The following KPNA5 variants were observed in gnomAD, a reference collection of about 807,000 sequenced individuals.
KPNA5 encodes the protein karyopherin subunit alpha 5.
In KPNA5, 46 loss-of-function variants were observed where a neutral mutation model predicts 71.3. That is an observed-to-expected ratio of 0.65 (90% CI 0.51 to 0.83). The LOEUF is 0.83. Ranked by LOEUF, KPNA5 falls within the 40% of genes least tolerant of loss-of-function variation. The pLI is 0.00. For missense variants in KPNA5, 547 were observed against 628.3 expected, an observed-to-expected ratio of 0.87 and a Z score of 1.38; for synonymous variants, 207 against 201.4, an observed-to-expected ratio of 1.03 and a Z score of -0.24.
intron 7 of KPNA5, 97 bp downstream of exon 7, chr6:116,705,257 G>A: frequency 1.1e-6 from 1 of 933,878 alleles, no homozygotes; most frequent in Non-Finnish European, 1.6e-6. Flanking sequence ...TTGTAAATTT[G>A]TCTTATGGTT....
intron 7 of KPNA5, among the ~76,000 whole-genome samples, chr6:116,711,601 A>T (rs1778691114): frequency 6.7e-6 from 1 of 149,774 alleles, no homozygotes. Flanking sequence ...ATGTTACTCT[A>T]CTCATAGTTC....
chr6:116,693,622 G>A (rs918751625), intron 4 of KPNA5, among the ~76,000 whole-genome samples: 6 of 152,144 alleles, frequency 3.9e-5, no homozygotes, highest in Non-Finnish European at 7.3e-5. Context: ...GTTCTTTGTA[G>A]ATTCTGGATA....
chr6:116,726,084 C>G (rs73765841), intron 11 of KPNA5, among the ~76,000 whole-genome samples: 1,045 of 96,044 alleles, frequency 0.011, 13 homozygotes, highest in African/African-American at 0.051. Flanking sequence ...GTGTGTGTGT[C>G]TAGCACAGTG....
Position 116,722,138 on chromosome 6 carries a change from T to A in KPNA5, c.769T>A (p.Leu257Ile), listed in dbSNP as rs146695349. ...PPNFSKVSPC[L>I]NVLSRLLFSS... Reference sequence around the variant, plus strand: ...TCTTCCCTTACAGGTTTCACCTTGCTTAAATGTCCTGTCACGACTGTTGTT... The same window carrying A: ...TCTTCCCTTACAGGTTTCACCTTGCATAAATGTCCTGTCACGACTGTTGTT... The change falls in exon 9 of 14, where the codon TTA becomes ATA. Residue 257 changes from leucine to isoleucine, a missense_variant. By Grantham distance (5) the Leu-to-Ile change is conservative. Transcript: ENST00000368564. The A allele has an allele frequency of 1.9e-6, 3 of 1,577,372 alleles. No individual in the cohort carries two copies. In the Admixed American group the frequency reaches 5.2e-5, roughly 27 times the overall value.
chr6:116,701,137 T>C (rs894396310), intron 5 of KPNA5, among the ~76,000 whole-genome samples: 4 of 152,338 alleles, frequency 2.6e-5, no homozygotes, highest in African/African-American at 9.6e-5. Flanking sequence ...TAAAAGTAAC[T>C]GTACTTTTTA....
rs1320930131 is a variant in KPNA5, at chr6:116,739,486, T to A, written c.*7163T>A. ...CTACCAATGCCTTTCTTCACAGAAT[T>A]GCAAAAAACTACTTTAAAGTTCATA... is the stretch of plus-strand genomic sequence containing the variant. On this transcript the variant is annotated 3_prime_UTR_variant, in exon 14 of 14. Transcript: ENST00000368564. 6.6e-6 allele frequency: 1 copy of A among 152,130 alleles called. No individual in the cohort carries two copies. The highest frequency in any genetic ancestry group is 1.5e-5 in the Non-Finnish European group (1 of 68,014). The allele number at this position is 152,130 out of a possible 1,614,324, so 9.4% of individuals were successfully genotyped here. A position where few individuals can be genotyped will look rare whatever the true frequency, so the allele number is the denominator to read the frequency against.
rs1562454725 is a variant in KPNA5 at position 116,725,836 on chromosome 6, C to G, written c.1085C>G (p.Thr362Ser). Residue 362 changes from threonine to serine, a missense_variant, in exon 11 of 14, where the codon ACT becomes AGT. Coordinates refer to ENST00000368564, the MANE Select transcript of KPNA5 (RefSeq NM_001366306.2). ...TCAATTAGAAAAGAAGCCTGCTGGACTGTTTCTAACATCACTGCTGGAAAT... is the reference window on the plus strand; with the variant it reads ...TCAATTAGAAAAGAAGCCTGCTGGAGTGTTTCTAACATCACTGCTGGAAAT... ...KESIRKEACW[T>S]VSNITAGNRA... The G allele has an allele frequency of 6.2e-7, 1 of 1,613,422 alleles. No individual in the cohort carries two copies.
Position 116,702,045 on chromosome 6 carries a change from T to C in KPNA5, c.462T>C (p.Asn154=). ...LQFEAAWALT[N]IASGTFLHTK... is the part of the protein sequence containing the mutation. ...TTGAAGCTGCATGGGCATTAACAAA[T>C]ATAGCATCTGGAACTTTTCTGCATA... Residue 154 remains asparagine, a synonymous_variant, in exon 6 of 14, where the codon AAT becomes AAC. Coordinates refer to ENST00000368564, the MANE Select transcript of KPNA5 (RefSeq NM_001366306.2). The C allele has an allele frequency of 6.2e-7, 1 of 1,613,648 alleles. No homozygotes were observed. Among genetic ancestry groups the C allele is most frequent in the Non-Finnish European group, 8.5e-7 (1 of 1,179,848 alleles).
intron 1 of KPNA5, among the ~76,000 whole-genome samples, chr6:116,684,602 CTTCTT>C (rs1400786301): frequency 1.3e-5 from 2 of 152,284 alleles, no homozygotes; most frequent in East Asian, 1.9e-4. Context: ...CTCTGACCTA[CTTCTT>C]TTTGGTTTCT....
chr6:116,697,900 A>G (rs1344509020), intron 4 of KPNA5, among the ~76,000 whole-genome samples: 1 of 152,016 alleles, frequency 6.6e-6, no homozygotes, highest in Non-Finnish European at 1.5e-5. Flanking sequence ...TATGGTCTGA[A>G]ATCTAGGAAA....
chr6:116,701,005 A>G (rs1002676503), intron 5 of KPNA5, among the ~76,000 whole-genome samples: 1 of 152,174 alleles, frequency 6.6e-6, no homozygotes, highest in South Asian at 2.1e-4. Context: ...ACTAGTGACA[A>G]GTTTGTAGAG....
In KPNA5 at chr6:116,698,752, A is replaced by G; in HGVS notation, c.389A>G (p.Gln130Arg). 2 of 1,602,522 alleles carry G rather than the reference A, an allele frequency of 1.2e-6. No homozygotes were observed. The highest frequency in any genetic ancestry group is 1.7e-6 in the Non-Finnish European group (2 of 1,174,680). ...DQVIQKPGVV[Q>R]RFVKFLERNE... ...GTTATACAGAAACCAGGAGTTGTACAGAGATTTGTGAAATTTCTTGAAAGA... is the reference window on the plus strand; with the variant it reads ...GTTATACAGAAACCAGGAGTTGTACGGAGATTTGTGAAATTTCTTGAAAGA... The change falls in exon 5 of 14, where the codon CAG becomes CGG. Residue 130 changes from glutamine to arginine, a missense_variant. Physicochemically the swap from Gln to Arg is conservative, Grantham distance 43. Coordinates refer to ENST00000368564, the MANE Select transcript of KPNA5 (RefSeq NM_001366306.2).
chr6:116,731,514 C>G (rs1779480597), intron 13 of KPNA5, among the ~76,000 whole-genome samples: 1 of 152,068 alleles, frequency 6.6e-6, no homozygotes, highest in Non-Finnish European at 1.5e-5. Flanking sequence ...ACTACCCAGA[C>G]TTACGTGTAG....
At position 116,682,566 on chromosome 6, in the gene KPNA5, G is replaced by C. The variant is rs1777405861; in HGVS notation, c.4+1228G>C. 2.0e-5 allele frequency among the ~76,000 whole-genome samples: 3 copies of C among 152,134 alleles called. No homozygotes were observed. The South Asian group carries it at 6.2e-4, about 32-fold the overall frequency. Reference sequence around the variant, plus strand: ...GTTGGCACTTCCCCCGCTTTGTGCAGTCTTTTACTTTCACTAATGAGGCGC... The same window carrying C: ...GTTGGCACTTCCCCCGCTTTGTGCACTCTTTTACTTTCACTAATGAGGCGC... On this transcript the variant is annotated intron_variant, in intron 1 of 13. Transcript: ENST00000368564.
intron 7 of KPNA5, among the ~76,000 whole-genome samples, chr6:116,711,538 A>ATGTGTGTGTGTGTGTGTGTGTG (rs143357784): frequency 7.0e-5 from 10 of 143,556 alleles, no homozygotes; most frequent in African/African-American, 2.6e-4. Context: ...TTTTCTGCAT[A>ATGTGTGTGTGTGTGTGTGTGTG]TGTGTGTGTG....
chr6:116,694,947 A>G (rs1051890580), intron 4 of KPNA5, among the ~76,000 whole-genome samples: 1 of 151,964 alleles, frequency 6.6e-6, no homozygotes, highest in Non-Finnish European at 1.5e-5. Context: ...AACATTCACA[A>G]TTCTCTTTTT....
At position 116,689,302 on chromosome 6, in the gene KPNA5, T is replaced by C; in HGVS notation, c.5-18T>C. 6.3e-7 allele frequency: 1 copy of C among 1,595,810 alleles called. No individual in the cohort carries two copies. The highest frequency in any genetic ancestry group is 1.1e-5 in the South Asian group (1 of 86,998). ...GAGTGAGTTATCAGTGTCTGTTTTC[T>C]TTTCTCCTTCCTTTAAGATGCCATG... On this transcript the variant is annotated intron_variant, in intron 1 of 13. Transcript: ENST00000368564.
rs1000940436 is a variant in KPNA5, at chr6:116,735,530, AAGAAG to A, written c.*3214_*3218del. The A allele has an allele frequency of 6.6e-6, 1 of 151,734 alleles. No homozygotes were observed. Among genetic ancestry groups the A allele is most frequent in the African/African-American group, 2.4e-5 (1 of 41,424 alleles). The allele number at this position is 151,734 out of a possible 1,614,324, so 9.4% of individuals were successfully genotyped here. A position where few individuals can be genotyped will look rare whatever the true frequency, so the allele number is the denominator to read the frequency against. On this transcript the variant is annotated 3_prime_UTR_variant, in exon 14 of 14. Coordinates refer to ENST00000368564, the MANE Select transcript of KPNA5 (RefSeq NM_001366306.2). ...TATCTTTAAATTCTGACTGGGGAGT[AAGAAG>A]AGAAGATATTCTTACCCTACTAAAT... is the stretch of plus-strand genomic sequence containing the variant.
intron 1 of KPNA5, among the ~76,000 whole-genome samples, chr6:116,683,329 GGC>G (rs1299237076): frequency 7.9e-5 from 12 of 152,018 alleles, no homozygotes; most frequent in Admixed American, 6.6e-5. Context: ...TAGAGCCAGT[GGC>G]CTAGAATATG....
Sources: gnomAD v4.1 joint callset for allele counts (sites outside exome capture counted in the v4.1 genomes callset) on GRCh38, gnomAD v4.1.1 for gene constraint, MANE v1.5 for transcripts, NCBI Gene and HGNC (gene_info 2026-07-23, HGNC 2026-07-21) for gene names.